Variants in NCALD observed in about 807,000 individuals in gnomAD.
The protein encoded by NCALD is neurocalcin delta, also known as neurocalcin-delta.
In NCALD, 10 loss-of-function variants were observed where a neutral mutation model predicts 18.6. The ratio of observed to expected loss-of-function variants is 0.54; its 90% confidence interval spans 0.33 to 0.91. The LOEUF (loss-of-function observed/expected upper bound fraction) is 0.91, where lower values mean the gene tolerates loss of function less well. NCALD is among the 40% of genes least tolerant of loss of function. NCALD has a pLI of 0.03. For synonymous variants in NCALD, 88 were observed against 87.4 expected (o/e 1.01, Z -0.04); for missense variants, 184 against 247.6 (o/e 0.74, Z 1.72).
chr8:101,848,076 C>A (rs1814940556), intron 4 of NCALD, among the ~76,000 whole-genome samples: 1 of 152,056 alleles, frequency 6.6e-6, no homozygotes, highest in Non-Finnish European at 1.5e-5. Context: ...ATGAGACAAG[C>A]ATGTGGTTTT....
At chr8:101,738,631 A>G (rs903241357) in intron 1 of NCALD, among the ~76,000 whole-genome samples, 2 of 152,052 alleles carry the variant, frequency 1.3e-5, no homozygotes, top group Non-Finnish European at 2.9e-5. Context: ...AAAAAACGCT[A>G]TCTGCGGTTG....
intron 1 of NCALD, among the ~76,000 whole-genome samples, chr8:102,097,105 T>C (rs1825128073): frequency 6.6e-6 from 1 of 152,176 alleles, no homozygotes; most frequent in Admixed American, 6.5e-5. Context: ...CCAGAAGTCA[T>C]GTATGTTAGA....
intron 1 of NCALD, among the ~76,000 whole-genome samples, chr8:102,070,890 T>C (rs2132293690): frequency 6.6e-6 from 1 of 152,274 alleles, no homozygotes; most frequent in Non-Finnish European, 1.5e-5. Context: ...ACGACTTCAC[T>C]CACAAACTCC....
At chr8:101,946,651 T>C (rs1048339989) in intron 2 of NCALD, among the ~76,000 whole-genome samples, 1 of 151,994 alleles carries the variant, frequency 6.6e-6, no homozygotes, top group African/African-American at 2.4e-5. Flanking sequence ...TGATGAATCT[T>C]GGGTGGAGGA....
chr8:102,077,328 C>T (rs1220290084), intron 1 of NCALD, among the ~76,000 whole-genome samples: 1 of 152,130 alleles, frequency 6.6e-6, no homozygotes, highest in Non-Finnish European at 1.5e-5. Flanking sequence ...ACGGAGGCCG[C>T]ATTGTGTCCA....
At chr8:101,840,243 T>C (rs921115178) in intron 4 of NCALD, among the ~76,000 whole-genome samples, 1 of 152,250 alleles carries the variant, frequency 6.6e-6, no homozygotes, top group Non-Finnish European at 1.5e-5. Flanking sequence ...CACTGGCTGA[T>C]TGAAGAAAAG....
In NCALD at chr8:101,688,898, T is replaced by C. The variant is rs1814579507; in HGVS notation, c.*411A>G. On this transcript the variant is annotated 3_prime_UTR_variant, in exon 4 of 4. Transcript: ENST00000220931. ...CCATCCATCACCCCTACGGCACGTG[T>C]GACAACAGATTCAGGTGGGGAGTTT... The C allele has an allele frequency of 1.6e-6, 1 of 626,326 alleles. No individual in the cohort carries two copies. The allele number at this position is 626,326 out of a possible 1,614,324, so 38.8% of individuals were successfully genotyped here.
At chr8:101,923,916 C>T (rs927823714) in intron 2 of NCALD, among the ~76,000 whole-genome samples, 5 of 151,998 alleles carry the variant, frequency 3.3e-5, no homozygotes, top group Admixed American at 1.3e-4. Context: ...AAGATAGTTT[C>T]TTTTTTATTT....
chr8:101,766,571 A>C (rs905394333), intron 1 of NCALD, among the ~76,000 whole-genome samples: 1 of 151,968 alleles, frequency 6.6e-6, no homozygotes, highest in African/African-American at 2.4e-5. Flanking sequence ...GTTTCCAAAG[A>C]AGTTTCTTTG....
At chr8:101,942,431 C>A (rs1818994202) in intron 2 of NCALD, among the ~76,000 whole-genome samples, 1 of 152,138 alleles carries the variant, frequency 6.6e-6, no homozygotes, top group Admixed American at 6.5e-5. Context: ...AAAACAGAAT[C>A]CAAACAATGA....
At chr8:101,878,792 C>A (rs568006459) in intron 4 of NCALD, among the ~76,000 whole-genome samples, 1 of 152,286 alleles carries the variant, frequency 6.6e-6, no homozygotes, top group East Asian at 1.9e-4. Flanking sequence ...AAACAGTGAT[C>A]AAGATCTAAT....
chr8:101,690,637 C>CT, intron 3 of NCALD: 8 of 985,432 alleles, frequency 8.1e-6, no homozygotes, highest in Non-Finnish European at 9.6e-6. Context: ...CCCGCCAGAA[C>CT]CTAGTTCTTG....
chr8:101,731,456 C>G (rs1255262729), intron 1 of NCALD, among the ~76,000 whole-genome samples: 1 of 152,170 alleles, frequency 6.6e-6, no homozygotes, highest in African/African-American at 2.4e-5. Context: ...ACACATCTTG[C>G]AAGCTTACAT....
chr8:101,966,340 A>G (rs2131873911), intron 2 of NCALD, among the ~76,000 whole-genome samples: 1 of 152,222 alleles, frequency 6.6e-6, no homozygotes, highest in East Asian at 1.9e-4. Context: ...AGGGACATGG[A>G]TGAAGCTGGA....
chr8:101,970,715 G>GTTGA (rs2131893155), intron 2 of NCALD, among the ~76,000 whole-genome samples: 1 of 152,220 alleles, frequency 6.6e-6, no homozygotes, highest in East Asian at 1.9e-4. Flanking sequence ...AACCCACTAA[G>GTTGA]TTGCATCAAC....
At chr8:101,936,478 T>C (rs1175995771) in intron 2 of NCALD, among the ~76,000 whole-genome samples, 1 of 152,110 alleles carries the variant, frequency 6.6e-6, no homozygotes, top group Non-Finnish European at 1.5e-5. Context: ...GCAAAAAATG[T>C]TGCAGTGGAG....
intron 1 of NCALD, among the ~76,000 whole-genome samples, chr8:102,105,964 G>A (rs1320634962): frequency 6.6e-6 from 1 of 152,034 alleles, no homozygotes; most frequent in East Asian, 1.9e-4. Context: ...ACATAGTGAG[G>A]TCTGAATCAA....
chr8:102,106,433 T>C (rs1825450946), intron 1 of NCALD, among the ~76,000 whole-genome samples: 1 of 132,268 alleles, frequency 7.6e-6, no homozygotes, highest in South Asian at 2.3e-4. Context: ...CGTGTAAAAC[T>C]ATTAGCATAT....
intron 2 of NCALD, among the ~76,000 whole-genome samples, chr8:101,942,571 T>C (rs1818998059): frequency 6.6e-6 from 1 of 152,136 alleles, no homozygotes; most frequent in South Asian, 2.1e-4. Flanking sequence ...ACTACCCCAA[T>C]TACATAGGAA....
Sources: gnomAD v4.1 joint callset for allele counts (sites outside exome capture counted in the v4.1 genomes callset) on GRCh38, gnomAD v4.1.1 for gene constraint, MANE v1.5 for transcripts, NCBI Gene and HGNC (gene_info 2026-07-23, HGNC 2026-07-21) for gene names.